Variants in CCSER1 observed in about 807,000 individuals in gnomAD.
CCSER1 encodes serine-rich coiled-coil domain-containing protein 1.
In CCSER1, 41 loss-of-function variants were observed where a neutral mutation model predicts 82.0. The observed-to-expected ratio is 0.50, with a 90% CI of 0.39 to 0.65. The LOEUF is 0.65. Among genes scored for constraint, CCSER1 ranks in the 30% least tolerant of loss-of-function variants. The probability of loss-of-function intolerance (pLI) is 0.00; values close to 1 mark genes in which losing one functional copy is unlikely to be tolerated. For synonymous variants in CCSER1, 414 were observed against 383.9 expected (o/e 1.08, Z -0.92); for missense variants, 1,119 against 1,064.2 (o/e 1.05, Z -0.72).
At chr4:90,331,980 C>T (rs1739372944) in intron 3 of CCSER1, among the ~76,000 whole-genome samples, 1 of 151,782 alleles carries the variant, frequency 6.6e-6, no homozygotes, top group Non-Finnish European at 1.5e-5. Flanking sequence ...CCCCTCTGTC[C>T]CCTTTTTCTG....
intron 7 of CCSER1, among the ~76,000 whole-genome samples, chr4:90,757,085 C>A (rs1387822016): frequency 6.6e-6 from 1 of 152,026 alleles, no homozygotes; most frequent in African/African-American, 2.4e-5. Context: ...ATCATGGTTT[C>A]TTTTTATTTG....
At chr4:90,130,719 G>A (rs1390280183) in intron 1 of CCSER1, among the ~76,000 whole-genome samples, 1 of 151,900 alleles carries the variant, frequency 6.6e-6, no homozygotes, top group Non-Finnish European at 1.5e-5. Flanking sequence ...AGCCTCTCGG[G>A]TTCAAGTGAT....
At chr4:90,276,246 C>CTTTCTT in intron 1 of CCSER1, among the ~76,000 whole-genome samples, 1 of 112,410 alleles carries the variant, frequency 8.9e-6, no homozygotes, top group South Asian at 3.4e-4. Flanking sequence ...TTCTTTCTTT[C>CTTTCTT]TTTCTTTCCT....
At chr4:90,377,790 G>T (rs888839168) in intron 3 of CCSER1, among the ~76,000 whole-genome samples, 1 of 151,954 alleles carries the variant, frequency 6.6e-6, no homozygotes, top group Non-Finnish European at 1.5e-5. Flanking sequence ...TTTTTACAGG[G>T]ATTAACAAAA....
At chr4:90,360,491 G>T (rs948220345) in intron 3 of CCSER1, among the ~76,000 whole-genome samples, 10 of 149,582 alleles carry the variant, frequency 6.7e-5, no homozygotes, top group Non-Finnish European at 1.5e-4. Flanking sequence ...CAGGAGAATG[G>T]TGTGAACCCG....
At chr4:91,116,083 C>A (rs1178557584) in intron 10 of CCSER1, among the ~76,000 whole-genome samples, 1 of 151,892 alleles carries the variant, frequency 6.6e-6, no homozygotes. Flanking sequence ...TCAGTTCCCA[C>A]CTATGAGTGA....
intron 7 of CCSER1, among the ~76,000 whole-genome samples, chr4:90,749,693 G>T (rs1325402037): frequency 6.6e-6 from 1 of 152,038 alleles, no homozygotes; most frequent in Non-Finnish European, 1.5e-5. Context: ...GTCTATCATT[G>T]TTGGACATTT....
At chr4:90,637,900 C>T (rs1725721568) in intron 6 of CCSER1, among the ~76,000 whole-genome samples, 1 of 152,032 alleles carries the variant, frequency 6.6e-6, no homozygotes. Flanking sequence ...TTTCATTTTA[C>T]TCTTTGTCCC....
intron 8 of CCSER1, among the ~76,000 whole-genome samples, chr4:90,913,116 C>T (rs1726691704): frequency 6.6e-6 from 1 of 152,116 alleles, no homozygotes; most frequent in Non-Finnish European, 1.5e-5. Context: ...GGCCAACAAT[C>T]AAATTCAGGA....
In CCSER1 at chr4:90,948,452, G is replaced by A. The variant is rs573362151; in HGVS notation, c.2172+25005G>A. Reference sequence around the variant, plus strand: ...TATTTTCTTGTTCTCAATTTTTTTCGTTTATTCTTTTTCTATATTTACAAC... The same window carrying A: ...TATTTTCTTGTTCTCAATTTTTTTCATTTATTCTTTTTCTATATTTACAAC... On this transcript the variant is annotated intron_variant, in intron 9 of 10. Transcript: ENST00000509176. Among the ~76,000 whole-genome samples, 10 of 151,362 alleles carry A rather than the reference G, an allele frequency of 6.6e-5. No individual in the cohort carries two copies. The South Asian group carries it at 8.3e-4, about 13-fold the overall frequency.
chr4:91,064,623 G>T (rs1744210970), intron 9 of CCSER1, among the ~76,000 whole-genome samples: 1 of 152,198 alleles, frequency 6.6e-6, no homozygotes, highest in Admixed American at 6.5e-5. Flanking sequence ...AGAAATTCCA[G>T]ACTCCCAGAA....
chr4:90,162,785 A>C (rs530564614), intron 1 of CCSER1, among the ~76,000 whole-genome samples: 1 of 152,182 alleles, frequency 6.6e-6, no homozygotes, highest in Non-Finnish European at 1.5e-5. Context: ...GTTTATGGAG[A>C]TAGCCTTGTG....
At chr4:91,293,295 G>T (rs968088555) in intron 10 of CCSER1, among the ~76,000 whole-genome samples, 1 of 151,840 alleles carries the variant, frequency 6.6e-6, no homozygotes, top group Non-Finnish European at 1.5e-5. Flanking sequence ...AATGTCTGTC[G>T]TTTGGGTATT....
intron 6 of CCSER1, among the ~76,000 whole-genome samples, chr4:90,629,203 A>G (rs1416926774): frequency 6.6e-6 from 1 of 152,188 alleles, no homozygotes; most frequent in Non-Finnish European, 1.5e-5. Context: ...ATCAGGAAGA[A>G]AAAAGGCAGT....
intron 10 of CCSER1, among the ~76,000 whole-genome samples, chr4:91,202,020 A>G (rs1735939305): frequency 1.3e-5 from 2 of 152,154 alleles, no homozygotes; most frequent in African/African-American, 4.8e-5. Context: ...ATCAGGACAC[A>G]GTTCCAATGC....
At chr4:90,575,608 T>C (rs549448739) in intron 5 of CCSER1, among the ~76,000 whole-genome samples, 1 of 152,348 alleles carries the variant, frequency 6.6e-6, no homozygotes, top group South Asian at 2.1e-4. Flanking sequence ...AAACTTTAAA[T>C]GTACCGTCAA....
At chr4:90,576,676 A>G (rs1714580169) in intron 5 of CCSER1, among the ~76,000 whole-genome samples, 1 of 152,084 alleles carries the variant, frequency 6.6e-6, no homozygotes, top group Non-Finnish European at 1.5e-5. Flanking sequence ...AGTCTCCTCC[A>G]TGTATTTACA....
chr4:90,704,953 T>G (rs892367657), intron 6 of CCSER1, among the ~76,000 whole-genome samples: 2 of 152,090 alleles, frequency 1.3e-5, no homozygotes, highest in African/African-American at 4.8e-5. Flanking sequence ...TTGATCATCT[T>G]AAGCCTTCTT....
At chr4:90,144,631 TAAC>T (rs1199788596) in intron 1 of CCSER1, among the ~76,000 whole-genome samples, 2 of 152,194 alleles carry the variant, frequency 1.3e-5, no homozygotes, top group African/African-American at 4.8e-5. Flanking sequence ...CAGTCATTAA[TAAC>T]AACTGGATTC....
Sources: allele counts gnomAD v4.1 joint callset (sites outside exome capture counted in the v4.1 genomes callset), GRCh38; gene constraint gnomAD v4.1.1; transcripts MANE v1.5; gene names NCBI Gene and HGNC (gene_info 2026-07-23, HGNC 2026-07-21).